PRMT3: variants seen among roughly 807,000 people sequenced by gnomAD.
The protein encoded by PRMT3 is protein arginine N-methyltransferase 3.
PRMT3 carries 62 observed loss-of-function variants against 71.9 expected under a neutral mutation model. The observed-to-expected ratio is 0.86, with a 90% CI of 0.70 to 1.07. The LOEUF (loss-of-function observed/expected upper bound fraction) is 1.07, where lower values mean the gene tolerates loss of function less well. PRMT3 is among the 50% of genes least tolerant of loss of function. The pLI is 0.00. For synonymous variants in PRMT3, 213 were observed against 220.4 expected (o/e 0.97, Z 0.30); for missense variants, 663 against 643.0 (o/e 1.03, Z -0.34).
At chr11:20,393,308 A>T (rs767120517) in intron 5 of PRMT3, among the ~76,000 whole-genome samples, 10 of 152,218 alleles carry the variant, frequency 6.6e-5, no homozygotes, top group Non-Finnish European at 1.3e-4. Flanking sequence ...TTAGCCGGGC[A>T]TGGTGGCGGG....
intron 11 of PRMT3, among the ~76,000 whole-genome samples, chr11:20,457,111 C>A (rs1388507762): frequency 6.6e-6 from 1 of 152,046 alleles, no homozygotes; most frequent in Non-Finnish European, 1.5e-5. Flanking sequence ...CTTGACCTTG[C>A]TTGCTTGCTT....
At chr11:20,426,889 C>T (rs1849558970) in intron 10 of PRMT3, 24 bp downstream of exon 10, 3 of 1,507,544 alleles carry the variant, frequency 2.0e-6, no homozygotes, top group Middle Eastern at 1.7e-4. Context: ...GAAAAAACTA[C>T]TTTCACTGGT....
intron 11 of PRMT3, among the ~76,000 whole-genome samples, chr11:20,455,801 A>G (rs1226041262): frequency 6.6e-6 from 1 of 152,074 alleles, no homozygotes; most frequent in Non-Finnish European, 1.5e-5. Flanking sequence ...ATCTCATATA[A>G]TTGAAGAAAT....
chr11:20,452,022 GA>G (rs944007871), intron 10 of PRMT3, 107 bp from the exon 11 acceptor site: 145 of 726,080 alleles, frequency 2.0e-4, no homozygotes, highest in Middle Eastern at 4.4e-4. Flanking sequence ...ATCTGTGGCA[GA>G]AAAAAAAATA....
Position 20,505,283 on chromosome 11 carries a change from G to T in PRMT3, c.1487-3021G>T, listed in dbSNP as rs923562501. 2.0e-5 allele frequency among the ~76,000 whole-genome samples: 3 copies of T among 152,174 alleles called. No individual in the cohort carries two copies. In the South Asian group the frequency reaches 6.2e-4, roughly 32 times the overall value. On this transcript the variant is annotated intron_variant, in intron 15 of 15. Transcript: ENST00000331079. The stretch of plus-strand genomic sequence containing the variant: ...TTTTCCCTCCACACTTTAATGTCCT[G>T]ACTAGGACATCTAATAGAATACTTA...
At chr11:20,396,533 G>A (rs1327276873) in intron 6 of PRMT3, among the ~76,000 whole-genome samples, 1 of 152,102 alleles carries the variant, frequency 6.6e-6, no homozygotes, top group Admixed American at 6.6e-5. Context: ...AGCTACCTGG[G>A]AGGCTGAGAC....
intron 9 of PRMT3, among the ~76,000 whole-genome samples, chr11:20,414,468 T>C (rs1849258413): frequency 6.6e-6 from 1 of 152,184 alleles, no homozygotes; most frequent in Admixed American, 6.6e-5. Context: ...GCTATCATAC[T>C]TTGAACTCTG....
At chr11:20,507,661 C>A (rs1335341156) in intron 15 of PRMT3, among the ~76,000 whole-genome samples, 5 of 151,956 alleles carry the variant, frequency 3.3e-5, no homozygotes, top group Non-Finnish European at 7.4e-5. Context: ...TGCCTGTAAT[C>A]CCAGCTACTT....
At chr11:20,493,508 C>T (rs76480594) in intron 13 of PRMT3, among the ~76,000 whole-genome samples, 4,615 of 152,316 alleles carry the variant, frequency 0.03, 234 homozygotes, top group African/African-American at 0.11. Context: ...TTCCTGGCAT[C>T]TTTCATGCCG....
chr11:20,424,921 T>C (rs1278047472), intron 9 of PRMT3, among the ~76,000 whole-genome samples: 1 of 151,974 alleles, frequency 6.6e-6, no homozygotes, highest in Non-Finnish European at 1.5e-5. Context: ...AGCCACAACA[T>C]AGAGAAGCCC....
intron 12 of PRMT3, among the ~76,000 whole-genome samples, chr11:20,463,011 A>G (rs1850422914): frequency 6.6e-6 from 1 of 152,122 alleles, no homozygotes; most frequent in African/African-American, 2.4e-5. Flanking sequence ...GACTACAGGC[A>G]TGCACCACCA....
intron 8 of PRMT3, chr11:20,407,023 A>G (rs1402047637): frequency 6.6e-6 from 1 of 152,232 alleles, no homozygotes; most frequent in African/African-American, 2.4e-5. Context: ...ATTTGTATAC[A>G]TATGCGAGCA....
intron 13 of PRMT3, among the ~76,000 whole-genome samples, chr11:20,476,629 ATTTTTTTCACCTACTTT>A (rs1850793185): frequency 1.3e-5 from 2 of 151,720 alleles, no homozygotes; most frequent in East Asian, 1.9e-4. Context: ...CTTTGAGATA[ATTTTTTTCACCTACTTT>A]TTAATTCATT....
At chr11:20,409,654 A>C (rs11025556) in intron 9 of PRMT3, among the ~76,000 whole-genome samples, 8 of 144,230 alleles carry the variant, frequency 5.5e-5, no homozygotes, top group Non-Finnish European at 9.0e-5. Flanking sequence ...GGAATACACA[A>C]ACACACACAC....
At chr11:20,398,075 C>A (rs1045474261) in intron 7 of PRMT3, among the ~76,000 whole-genome samples, 11 of 147,078 alleles carry the variant, frequency 7.5e-5, no homozygotes, top group Admixed American at 5.4e-4. Flanking sequence ...CATTTAAAAT[C>A]ATTAATCTTT....
chr11:20,451,775 G>C (rs919985431), intron 10 of PRMT3, among the ~76,000 whole-genome samples: 1 of 152,052 alleles, frequency 6.6e-6, no homozygotes, highest in Non-Finnish European at 1.5e-5. Context: ...ATCAAGTGGA[G>C]AACCACTGCT....
chr11:20,458,496 A>G (rs942476299), intron 11 of PRMT3, among the ~76,000 whole-genome samples: 1 of 152,228 alleles, frequency 6.6e-6, no homozygotes, highest in Non-Finnish European at 1.5e-5. Flanking sequence ...GCTTTTGTCC[A>G]ATCAGCGCTT....
At chr11:20,419,434 TTC>T (rs1370321930) in intron 9 of PRMT3, among the ~76,000 whole-genome samples, 2 of 152,240 alleles carry the variant, frequency 1.3e-5, no homozygotes, top group African/African-American at 2.4e-5. Context: ...CGTGAAAGTC[TTC>T]TCTCATTCGT....
intron 10 of PRMT3, among the ~76,000 whole-genome samples, chr11:20,447,688 G>A (rs778891346): frequency 2.0e-5 from 3 of 151,796 alleles, no homozygotes; most frequent in African/African-American, 7.3e-5. Context: ...TTCTTTTTAC[G>A]TAACACTTTG....
Sources: gnomAD v4.1 joint callset for allele counts (sites outside exome capture counted in the v4.1 genomes callset) on GRCh38, gnomAD v4.1.1 for gene constraint, MANE v1.5 for transcripts, NCBI Gene and HGNC (gene_info 2026-07-23, HGNC 2026-07-21) for gene names.